RAPGEF6: variants seen among roughly 807,000 people sequenced by gnomAD.
RAPGEF6 encodes PDZ domain containing guanine nucleotide exchange factor (GEF) 2.
In RAPGEF6, 56 loss-of-function variants were observed where a neutral mutation model predicts 171.4. That is an observed-to-expected ratio of 0.33 (90% CI 0.26 to 0.41). The LOEUF (loss-of-function observed/expected upper bound fraction) is 0.41, where lower values mean the gene tolerates loss of function less well. RAPGEF6 is among the 10% of genes least tolerant of loss of function. RAPGEF6 has a pLI of 1.00. For synonymous variants in RAPGEF6, 692 were observed against 650.1 expected (o/e 1.06, Z -0.98); for missense variants, 1,674 against 1,921.4 (o/e 0.87, Z 2.41).
In RAPGEF6 at chr5:131,569,479, T is replaced by C. The variant is rs74351259; in HGVS notation, c.282-7432A>G. 2.7e-3 allele frequency among the ~76,000 whole-genome samples: 410 copies of C among 152,276 alleles called. 1 individual carries two copies. Among genetic ancestry groups the C allele is most frequent in the African/African-American group, 9.4e-3 (392 of 41,548 alleles). On this transcript the variant is annotated intron_variant, in intron 4 of 27. Coordinates refer to ENST00000509018, the MANE Select transcript of RAPGEF6 (RefSeq NM_016340.6). ...TTCAATGGGGAAAAAAACAGCCTTT[T>C]CAATAAACCATGCTAGGTAAAATGA...
intron 4 of RAPGEF6, among the ~76,000 whole-genome samples, chr5:131,587,401 G>A (rs917019150): frequency 6.6e-6 from 1 of 152,158 alleles, no homozygotes; most frequent in Non-Finnish European, 1.5e-5. Flanking sequence ...TGGTGTTGAG[G>A]AAAAGTAAGA....
intron 24 of RAPGEF6, chr5:131,435,619 G>T: frequency 5.2e-6 from 1 of 193,236 alleles, no homozygotes; most frequent in African/African-American, 2.4e-5. Context: ...AAGTTTCCCA[G>T]ATGATTCTGA....
intron 24 of RAPGEF6, among the ~76,000 whole-genome samples, chr5:131,436,753 G>C (rs1752036293): frequency 6.6e-6 from 1 of 152,122 alleles, no homozygotes; most frequent in South Asian, 2.1e-4. Flanking sequence ...AGAATTGTAA[G>C]GTAGATTTTA....
At chr5:131,524,505 A>G (rs1249289666) in intron 6 of RAPGEF6, among the ~76,000 whole-genome samples, 1 of 152,094 alleles carries the variant, frequency 6.6e-6, no homozygotes, top group Non-Finnish European at 1.5e-5. Context: ...ATGGAAAAAT[A>G]TAGACCATGC....
intron 1 of RAPGEF6, among the ~76,000 whole-genome samples, chr5:131,629,292 CA>C (rs1766143793): frequency 6.6e-6 from 1 of 151,226 alleles, no homozygotes; most frequent in Admixed American, 6.6e-5. Context: ...CCAGTCCAGG[CA>C]ATGTATTGAG....
rs138158360 is a variant in RAPGEF6 at position 131,452,585 on chromosome 5, T to C, written c.3200+469A>G. On this transcript the variant is annotated intron_variant, in intron 21 of 27. Coordinates refer to ENST00000509018, the MANE Select transcript of RAPGEF6 (RefSeq NM_016340.6). ...TTTACAAATTAGCTTAGAAACGAGA[T>C]GAAAACAAGATGAATATCAGCAATT... Among the ~76,000 whole-genome samples the C allele has an allele frequency of 3.3e-3, 495 of 150,396 alleles. 6 individuals are homozygous for C. Among genetic ancestry groups the C allele is most frequent in the African/African-American group, 0.012 (479 of 41,236 alleles).
chr5:131,598,126 CAAAG>C lies in RAPGEF6; in HGVS notation c.197+5141_197+5144del, dbSNP rs1181840666. 2.6e-5 allele frequency among the ~76,000 whole-genome samples: 4 copies of C among 151,950 alleles called. No individual in the cohort carries two copies. In the East Asian group the frequency reaches 5.8e-4, roughly 22 times the overall value. ...AAGGAAAACAGATGATGGATTCAAC[CAAAG>C]AACTGGTATCTATGAAACAGAAATG... On this transcript the variant is annotated intron_variant, in intron 3 of 27. Coordinates refer to ENST00000509018, the MANE Select transcript of RAPGEF6 (RefSeq NM_016340.6).
intron 7 of RAPGEF6, among the ~76,000 whole-genome samples, chr5:131,511,477 T>C (rs950264386): frequency 8.2e-6 from 1 of 122,380 alleles, no homozygotes; most frequent in Non-Finnish European, 1.7e-5. Flanking sequence ...GCCAAAAAGA[T>C]CATCTTTTTT....
At chr5:131,444,421 C>T (rs1451570798) in intron 22 of RAPGEF6, among the ~76,000 whole-genome samples, 2 of 152,150 alleles carry the variant, frequency 1.3e-5, no homozygotes, top group Admixed American at 6.5e-5. Flanking sequence ...AAACCTGAGA[C>T]TACTTCAAAA....
intron 14 of RAPGEF6, 114 bp from the exon 15 acceptor site, chr5:131,489,768 T>G: frequency 1.8e-6 from 1 of 547,088 alleles, no homozygotes; most frequent in Non-Finnish European, 3.1e-6. Context: ...TGTACTCCTA[T>G]GTGAACAACA....
chr5:131,482,248 A>G (rs1755536336), intron 15 of RAPGEF6, among the ~76,000 whole-genome samples: 1 of 147,712 alleles, frequency 6.8e-6, no homozygotes, highest in South Asian at 2.2e-4. Flanking sequence ...TTTAAGCCAT[A>G]TGGTAATATA....
chr5:131,597,263 TG>T (rs1175460993), intron 3 of RAPGEF6, among the ~76,000 whole-genome samples: 2 of 151,904 alleles, frequency 1.3e-5, no homozygotes, highest in African/African-American at 4.8e-5. Flanking sequence ...TATACACTGT[TG>T]GTGGGAACGT....
Position 131,426,753 on chromosome 5 carries a change from T to G in RAPGEF6, c.*513A>C. On this transcript the variant is annotated 3_prime_UTR_variant, in exon 28 of 28. Coordinates refer to ENST00000509018, the MANE Select transcript of RAPGEF6 (RefSeq NM_016340.6). ...TGTTTGGTCAGACCAGAGACAATTT[T>G]ATGACCTCAAACATGAATATCAGCT... The G allele has an allele frequency of 5.8e-6, 1 of 172,054 alleles. No individual in the cohort carries two copies. Among genetic ancestry groups the G allele is most frequent in the Non-Finnish European group, 1.2e-5 (1 of 81,796 alleles). The allele number at this position is 172,054 out of a possible 1,614,324, so 10.7% of individuals were successfully genotyped here.
At position 131,549,459 on chromosome 5, in the gene RAPGEF6, T is replaced by C. The variant is rs535399529; in HGVS notation, c.352-1269A>G. Among the ~76,000 whole-genome samples the C allele has an allele frequency of 1.8e-4, 28 of 152,334 alleles. 1 individual carries two copies. The South Asian group carries it at 5.8e-3, about 32-fold the overall frequency. Reference sequence around the variant, plus strand: ...CCAAATTCTATATATGTCATGTATTTTTCTGTATTTACATACCTATGATAA... The same window carrying C: ...CCAAATTCTATATATGTCATGTATTCTTCTGTATTTACATACCTATGATAA... On this transcript the variant is annotated intron_variant, in intron 5 of 27. Transcript: ENST00000509018.
At chr5:131,596,534 T>C (rs551475779) in intron 3 of RAPGEF6, among the ~76,000 whole-genome samples, 9 of 151,944 alleles carry the variant, frequency 5.9e-5, no homozygotes, top group African/African-American at 1.9e-4. Context: ...GACAGATCGA[T>C]AGACCTCAAA....
Position 131,431,335 on chromosome 5 carries a change from T to C in RAPGEF6, c.3989A>G (p.Lys1330Arg). Reference sequence around the variant, plus strand: ...AGCTAAACACTTGATTAGAGATGGCTTCAAGAGTGTCCACCTAAAATTGGA... The same window carrying C: ...AGCTAAACACTTGATTAGAGATGGCCTCAAGAGTGTCCACCTAAAATTGGA... Reference protein sequence around the residue: ...SQHGPGWTLLKPSLIKCLAVS... With the variant: ...SQHGPGWTLLRPSLIKCLAVS... The change falls in exon 26 of 28, where the codon AAG becomes AGG. Residue 1330 changes from lysine to arginine, a missense_variant. Coordinates refer to ENST00000509018, the MANE Select transcript of RAPGEF6 (RefSeq NM_016340.6). 1 of 1,592,918 alleles carries C rather than the reference T, an allele frequency of 6.3e-7. No homozygotes were observed. Among genetic ancestry groups the C allele is most frequent in the Non-Finnish European group, 8.6e-7 (1 of 1,164,588 alleles).
At chr5:131,590,469 G>A (rs1157976608) in intron 4 of RAPGEF6, among the ~76,000 whole-genome samples, 1 of 152,176 alleles carries the variant, frequency 6.6e-6, no homozygotes, top group Non-Finnish European at 1.5e-5. Flanking sequence ...TATTCTGACT[G>A]AAGAAGCCAA....
rs115571977 is a variant in RAPGEF6, at chr5:131,596,918, C to T, written c.198-4452G>A. Among the ~76,000 whole-genome samples, 677 of 152,122 alleles carry T rather than the reference C, an allele frequency of 4.5e-3. 9 individuals carry two copies. The highest frequency in any genetic ancestry group is 0.015 in the African/African-American group (632 of 41,512). On this transcript the variant is annotated intron_variant, in intron 3 of 27. Transcript: ENST00000509018. The stretch of plus-strand genomic sequence containing the variant: ...ATTACATCAAACTAAAAAGTTTTTG[C>T]GCAGCAAAGGAAACAACTGACAAAA...
At chr5:131,522,596 T>C (rs1050210481) in intron 6 of RAPGEF6, among the ~76,000 whole-genome samples, 2 of 152,174 alleles carry the variant, frequency 1.3e-5, no homozygotes, top group African/African-American at 2.4e-5. Context: ...CTGCTGATAA[T>C]GGTATGTTAG....
Sources: gnomAD v4.1 joint callset for allele counts (sites outside exome capture counted in the v4.1 genomes callset) on GRCh38, gnomAD v4.1.1 for gene constraint, MANE v1.5 for transcripts, NCBI Gene and HGNC (gene_info 2026-07-23, HGNC 2026-07-21) for gene names.